The following TEF variants were observed in gnomAD, a reference collection of about 807,000 sequenced individuals.
TEF encodes thyrotroph embryonic factor.
In TEF, 3 loss-of-function variants were observed where a neutral mutation model predicts 20.8. The ratio of observed to expected loss-of-function variants is 0.14; its 90% CI spans 0.07 to 0.37. TEF has a LOEUF of 0.37. Ranked by LOEUF, TEF falls within the 10% of genes least tolerant of loss-of-function variation. The pLI is 1.00. For synonymous variants in TEF, 180 were observed against 171.1 expected, an observed-to-expected ratio of 1.05 and a Z score of -0.41; for missense variants, 296 against 397.9, an observed-to-expected ratio of 0.74 and a Z score of 2.18.
chr22:41,378,380 C>T (rs1415178003), upstream of TEF, among the ~76,000 whole-genome samples: 1 of 127,054 alleles, frequency 7.9e-6, no homozygotes, highest in African/African-American at 3.1e-5. Context: ...GAGTCTCGCT[C>T]TGTCGCTCAG....
chr22:41,373,768 T>C lies in TEF; in HGVS notation c.67+6169T>C, dbSNP rs1199897607. Among the ~76,000 whole-genome samples the C allele has an allele frequency of 2.7e-3, 236 of 88,540 alleles. 6 individuals are homozygous for C. The highest frequency in any genetic ancestry group is 6.7e-3 in the African/African-American group (204 of 30,372). 58.1% of individuals were successfully genotyped at this position (88,540 alleles called of 152,430 possible). Reference sequence around the variant, plus strand: ...CAGTCGTAAGTCACCACGCCCGGACTTTTTTTTTTTTTTTTTGGAGACGGA... The same window carrying C: ...CAGTCGTAAGTCACCACGCCCGGACCTTTTTTTTTTTTTTTTGGAGACGGA... On this transcript the variant is annotated intron_variant, in intron 1 of 3. Coordinates refer to the TEF transcript ENST00000406644.
At chr22:41,379,043 GA>G (rs1019858127), upstream of TEF, among the ~76,000 whole-genome samples, 3 of 152,210 alleles carry the variant, frequency 2.0e-5, no homozygotes, top group African/African-American at 7.2e-5. Context: ...TTGGCTCACA[GA>G]AACCCCGTAA....
At chr22:41,376,629 C>T (rs541712622) in intron 1 of TEF, among the ~76,000 whole-genome samples, 1 of 152,214 alleles carries the variant, frequency 6.6e-6, no homozygotes, top group African/African-American at 2.4e-5. Flanking sequence ...CATTTCACAT[C>T]CAATCTTGTC....
chr22:41,377,368 TTTTCTC>T (rs1173264428), upstream of TEF: 2 of 152,204 alleles, frequency 1.3e-5, no homozygotes, highest in African/African-American at 4.8e-5. Context: ...ATACCTTTAT[TTTTCTC>T]TTTCTCTTTT....
intron 2 of TEF, among the ~76,000 whole-genome samples, chr22:41,392,715 CA>C (rs1361690205): frequency 6.9e-6 from 1 of 144,652 alleles, no homozygotes; most frequent in African/African-American, 2.6e-5. Context: ...CTAGATGGCA[CA>C]GTAACAGACA....
At chr22:41,388,930 C>T (rs1601822637) in intron 2 of TEF, among the ~76,000 whole-genome samples, 1 of 151,974 alleles carries the variant, frequency 6.6e-6, no homozygotes, top group Non-Finnish European at 1.5e-5. Context: ...GTAACCGTCA[C>T]CCAGCTTCAA....
At chr22:41,375,695 G>T (rs567585261) in intron 1 of TEF, among the ~76,000 whole-genome samples, 1 of 147,400 alleles carries the variant, frequency 6.8e-6, no homozygotes, top group Non-Finnish European at 1.5e-5. Context: ...CTGCACTCCA[G>T]CCTGGGCAAC....
intron 1 of TEF, chr22:41,382,889 G>A (rs1279165248): frequency 2.1e-6 from 1 of 470,958 alleles, no homozygotes; most frequent in South Asian, 1.5e-5. Context: ...TCGCCTGGTT[G>A]GTTGGGGCTG....
upstream of TEF, chr22:41,381,790 C>T (rs2037027669): frequency 4.1e-6 from 4 of 968,696 alleles, no homozygotes; most frequent in Non-Finnish European, 5.3e-6. Flanking sequence ...AATCACGGCC[C>T]GAGGATCTGC....
At chr22:41,374,929 A>T (rs922097040) in intron 1 of TEF, among the ~76,000 whole-genome samples, 2 of 152,078 alleles carry the variant, frequency 1.3e-5, no homozygotes, top group South Asian at 2.1e-4. Context: ...TGTTGAAAAA[A>T]ATCCACATGT....
At chr22:41,371,131 C>T (rs4820438) in intron 1 of TEF, among the ~76,000 whole-genome samples, 44,022 of 152,156 alleles carry the variant, frequency 0.29, 7,173 homozygotes, top group Admixed American at 0.47. Context: ...CAGCTCTTAA[C>T]GTCTTTCTCT....
chr22:41,377,658 T>G (rs895712526), upstream of TEF, among the ~76,000 whole-genome samples: 1 of 152,200 alleles, frequency 6.6e-6, no homozygotes, highest in Non-Finnish European at 1.5e-5. Flanking sequence ...CACTGTTTAA[T>G]GCTGTAAACT....
At position 41,398,758 on chromosome 22, in the gene TEF, G is replaced by GC. The variant is rs1395530027; in HGVS notation, c.*2800dup. The GC allele has an allele frequency of 3.9e-5, 6 of 152,260 alleles. No individual in the cohort carries two copies. The highest frequency in any genetic ancestry group is 1.4e-4 in the African/African-American group (6 of 41,440). The allele number at this position is 152,260 out of a possible 1,614,324, so 9.4% of individuals were successfully genotyped here. ...GTAACCCTGCTGAGGGGCTGTGCAGGCCGCTCCTACGGTCCTTTGGCCTGA... is the reference window on the plus strand; with the variant it reads ...GTAACCCTGCTGAGGGGCTGTGCAGGCCCGCTCCTACGGTCCTTTGGCCTGA... On this transcript the variant is annotated 3_prime_UTR_variant, in exon 4 of 4. Transcript: ENST00000266304.
At chr22:41,382,851 G>A in intron 1 of TEF, 1 of 469,070 alleles carries the variant, frequency 2.1e-6, no homozygotes, top group South Asian at 1.5e-5. Context: ...GAGAAACGAT[G>A]AGGGTCAGAT....
rs566386615 is a variant in TEF at position 41,387,298 on chromosome 22, G to A, written c.158-53G>A. The A allele has an allele frequency of 1.1e-4, 169 of 1,591,028 alleles. 2 individuals are homozygous for A. In the South Asian group the frequency reaches 1.8e-3, roughly 17 times the overall value. ...CTGTGAGGCTCACTGCCCACTTCCT[G>A]GGATTGAGTTACTCTCCTGTGTGGT... On this transcript the variant is annotated intron_variant, in intron 1 of 3. Coordinates refer to ENST00000266304, the MANE Select transcript of TEF (RefSeq NM_003216.4).
At chr22:41,379,354 AAAATT>A (rs1170478762), upstream of TEF, among the ~76,000 whole-genome samples, 1 of 152,028 alleles carries the variant, frequency 6.6e-6, no homozygotes, top group Non-Finnish European at 1.5e-5. Flanking sequence ...AAAGAAAAAA[AAAATT>A]AGCCGTACGT....
Position 41,382,120 on chromosome 22 carries a change from G to C in TEF, c.76G>C (p.Ala26Pro), listed in dbSNP as rs2037035195. Residue 26 changes from alanine (A) to proline (P), a missense_variant, in exon 1 of 4, where the codon GCT becomes CCT. Physicochemically the swap from Ala to Pro is conservative, Grantham distance 27. Coordinates refer to ENST00000266304, the MANE Select transcript of TEF (RefSeq NM_003216.4). ...ACCCGGTCCGGGGCCGGGGCGCGCA[G>C]CTGGGGAAAGGGGCCTGTCGGGGTC... ...AGPGPGPGRA[A>P]GERGLSGSFP... 2.4e-6 allele frequency: 3 copies of C among 1,234,682 alleles called. No homozygotes were observed. Among genetic ancestry groups the C allele is most frequent in the East Asian group, 3.1e-5 (1 of 31,778 alleles). The allele number at this position is 1,234,682 out of a possible 1,614,324, so 76.5% of individuals were successfully genotyped here.
At chr22:41,384,783 G>A (rs1255055255) in intron 1 of TEF, among the ~76,000 whole-genome samples, 5 of 151,634 alleles carry the variant, frequency 3.3e-5, no homozygotes, top group Non-Finnish European at 5.9e-5. Flanking sequence ...ACAGACTTTC[G>A]CCCTCGTTGT....
chr22:41,373,011 G>A (rs559091983), intron 1 of TEF, among the ~76,000 whole-genome samples: 17 of 152,280 alleles, frequency 1.1e-4, no homozygotes, highest in African/African-American at 3.9e-4. Context: ...CCCGAAGGGC[G>A]AGCACCTGCA....
Sources: allele counts gnomAD v4.1 joint callset (sites outside exome capture counted in the v4.1 genomes callset), GRCh38; gene constraint gnomAD v4.1.1; transcripts MANE v1.5; gene names NCBI Gene and HGNC (gene_info 2026-07-23, HGNC 2026-07-21).